DMC1: variants seen among roughly 807,000 people sequenced by gnomAD.
DMC1 encodes DNA meiotic recombinase 1.
Under a neutral mutation model 50.1 loss-of-function variants are expected in DMC1, and 27 were observed. That is an observed-to-expected ratio of 0.54 (90% CI 0.40 to 0.74). The LOEUF is 0.74. Among genes scored for constraint, DMC1 ranks in the 30% least tolerant of loss-of-function variants. The probability of loss-of-function intolerance (pLI) is 0.00; values close to 1 mark genes in which losing one functional copy is unlikely to be tolerated. For missense variants in DMC1, 295 were observed against 420.2 expected, an observed-to-expected ratio of 0.70 and a Z score of 2.60; for synonymous variants, 148 against 136.1, an observed-to-expected ratio of 1.09 and a Z score of -0.61.
intron 6 of DMC1, among the ~76,000 whole-genome samples, chr22:38,554,080 G>A (rs746981661): frequency 6.6e-6 from 1 of 151,756 alleles, no homozygotes; most frequent in African/African-American, 2.4e-5. Flanking sequence ...AGTGAGCCGA[G>A]ATGGCACCAC....
chr22:38,519,999 C>T lies in DMC1; in HGVS notation c.*21G>A. ...TCAGCTCCTAATAAGCACTAAGAAG[C>T]AATTTGCATCAATTCACCACCTACT... On this transcript the variant is annotated 3_prime_UTR_variant, in exon 14 of 14. Transcript: ENST00000216024. 3 of 1,606,596 alleles carry T rather than the reference C, an allele frequency of 1.9e-6. No homozygotes were observed. Among genetic ancestry groups the T allele is most frequent in the Non-Finnish European group, 2.6e-6 (3 of 1,173,468 alleles).
At chr22:38,509,731 G>A in the DMC1 span, among the ~76,000 whole-genome samples, 5 of 151,960 alleles carry the variant, frequency 3.3e-5, no homozygotes, top group South Asian at 6.2e-4. Context: ...GTGCAATGGC[G>A]CGATCTTGGT....
intron 12 of DMC1, among the ~76,000 whole-genome samples, chr22:38,535,921 T>G (rs1470274710): frequency 6.7e-6 from 1 of 148,570 alleles, no homozygotes; most frequent in Non-Finnish European, 1.5e-5. Context: ...CTTTAAAAGA[T>G]TTTTTTAAAA....
At chr22:38,569,785 C>G (rs1226454741) in intron 1 of DMC1, among the ~76,000 whole-genome samples, 2 of 152,238 alleles carry the variant, frequency 1.3e-5, no homozygotes, top group Non-Finnish European at 2.9e-5. Flanking sequence ...AGACCCCCTG[C>G]GGCCGCCGGA....
intron 4 of DMC1, among the ~76,000 whole-genome samples, chr22:38,564,412 T>C (rs918860227): frequency 1.3e-5 from 2 of 151,920 alleles, no homozygotes; most frequent in Non-Finnish European, 2.9e-5. Flanking sequence ...CAGTTTCAAG[T>C]GATTCTCCTG....
chr22:38,550,930 CAAAAAA>C (rs60295497), intron 7 of DMC1, among the ~76,000 whole-genome samples: 62 of 57,776 alleles, frequency 1.1e-3, no homozygotes, highest in African/African-American at 4.7e-3. Context: ...GACTCCATCT[CAAAAAA>C]AAAAAAAAAA....
At chr22:38,527,728 A>C (rs2090108535) in intron 12 of DMC1, among the ~76,000 whole-genome samples, 1 of 151,732 alleles carries the variant, frequency 6.6e-6, no homozygotes, top group East Asian at 1.9e-4. Flanking sequence ...CATGTTAGTC[A>C]GGCTGGTCTC....
chr22:38,561,026 C>A (rs1281918787), intron 5 of DMC1, among the ~76,000 whole-genome samples: 1 of 151,734 alleles, frequency 6.6e-6, no homozygotes, highest in African/African-American at 2.4e-5. Context: ...GACAAGGTTT[C>A]TCTCTGCGTC....
chr22:38,512,114 A>G, the DMC1 span, among the ~76,000 whole-genome samples: 15 of 152,114 alleles, frequency 9.9e-5, no homozygotes, highest in Non-Finnish European at 2.1e-4. Context: ...AACTGGGAGT[A>G]CAGGCGCATG....
intron 12 of DMC1, among the ~76,000 whole-genome samples, chr22:38,526,924 T>C (rs2090098262): frequency 6.6e-6 from 1 of 152,164 alleles, no homozygotes; most frequent in Admixed American, 6.5e-5. Context: ...GATTAATGTG[T>C]GTCTGCCCCC....
At chr22:38,564,825 G>C (rs2146021434) in intron 4 of DMC1, among the ~76,000 whole-genome samples, 1 of 152,302 alleles carries the variant, frequency 6.6e-6, no homozygotes, top group Non-Finnish European at 1.5e-5. Flanking sequence ...CACCCTGGCA[G>C]TTGTGGAATT....
downstream of DMC1, among the ~76,000 whole-genome samples, chr22:38,516,519 G>C (rs1488326080): frequency 2.0e-5 from 3 of 152,178 alleles, no homozygotes; most frequent in Non-Finnish European, 4.4e-5. Context: ...TCATACCAGG[G>C]AATCTCTAGG....
intron 13 of DMC1, among the ~76,000 whole-genome samples, 153 bp from the exon 14 acceptor site, chr22:38,520,242 A>G (rs2090009808): frequency 6.6e-6 from 1 of 152,246 alleles, no homozygotes; most frequent in Admixed American, 6.5e-5. Context: ...CTTACCCACA[A>G]GTATTATTAA....
At position 38,537,669 on chromosome 22, in the gene DMC1, A is replaced by C; in HGVS notation, c.776-17T>G. 6.2e-7 allele frequency: 1 copy of C among 1,609,814 alleles called. No homozygotes were observed. Among genetic ancestry groups the C allele is most frequent in the Non-Finnish European group, 8.5e-7 (1 of 1,176,246 alleles). ...CGTTATATTCTGCATCAAGAGATAA[A>C]ATTTTAAAACTATGAGAAAGGCAAT... On this transcript the variant is annotated splice_polypyrimidine_tract_variant and intron_variant, in intron 11 of 13. Transcript: ENST00000216024.
chr22:38,509,632 T>C, the DMC1 span, among the ~76,000 whole-genome samples: 4 of 152,020 alleles, frequency 2.6e-5, no homozygotes, highest in Admixed American at 1.3e-4. Context: ...AGGAATTTCT[T>C]TGTGGGCAAA....
intron 5 of DMC1, among the ~76,000 whole-genome samples, chr22:38,560,863 A>G (rs1569169740): frequency 6.6e-6 from 1 of 152,124 alleles, no homozygotes; most frequent in East Asian, 1.9e-4. Flanking sequence ...CTCCCTTCCC[A>G]TATTATTTTA....
chr22:38,531,219 G>T (rs957624788), intron 12 of DMC1, among the ~76,000 whole-genome samples: 1 of 152,148 alleles, frequency 6.6e-6, no homozygotes, highest in Non-Finnish European at 1.5e-5. Context: ...ATTTGCCCCA[G>T]TGTGGGACTT....
intron 5 of DMC1, among the ~76,000 whole-genome samples, chr22:38,560,600 T>A (rs2090517522): frequency 6.6e-6 from 1 of 151,924 alleles, no homozygotes; most frequent in Non-Finnish European, 1.5e-5. Flanking sequence ...TAATAGGTGG[T>A]AGTTTAGTCC....
In DMC1 at chr22:38,569,123, G is replaced by T. The variant is rs11570369; in HGVS notation, c.-33-834C>A. Among the ~76,000 whole-genome samples, 276 of 150,530 alleles carry T rather than the reference G, an allele frequency of 1.8e-3. 4 individuals carry two copies. The highest frequency in any genetic ancestry group is 6.9e-3 in the Middle Eastern group (2 of 290). Reference sequence around the variant, plus strand: ...CGCTTGAACCTGGGAGGCGGAGGTTGCACTGAGCCGAGATCATGCCACTGC... The same window carrying T: ...CGCTTGAACCTGGGAGGCGGAGGTTTCACTGAGCCGAGATCATGCCACTGC... On this transcript the variant is annotated intron_variant, in intron 1 of 13. Coordinates refer to ENST00000216024, the MANE Select transcript of DMC1 (RefSeq NM_007068.4).
Sources: gnomAD v4.1 joint callset for allele counts (sites outside exome capture counted in the v4.1 genomes callset) on GRCh38, gnomAD v4.1.1 for gene constraint, MANE v1.5 for transcripts, NCBI Gene and HGNC (gene_info 2026-07-23, HGNC 2026-07-21) for gene names.